ZNF385B: variants seen among roughly 807,000 people sequenced by gnomAD.
The protein encoded by ZNF385B is zinc finger protein 385B.
A neutral mutation model predicts 39.2 loss-of-function variants in ZNF385B; 23 were observed. The ratio of observed to expected loss-of-function variants is 0.59; its 90% confidence interval spans 0.42 to 0.83. ZNF385B has a LOEUF of 0.83. ZNF385B is among the 40% of genes least tolerant of loss of function. ZNF385B has a pLI of 0.00. For synonymous variants in ZNF385B, 205 were observed against 222.6 expected, an observed-to-expected ratio of 0.92 and a Z score of 0.70; for missense variants, 552 against 598.9, an observed-to-expected ratio of 0.92 and a Z score of 0.82.
intron 3 of ZNF385B, among the ~76,000 whole-genome samples, chr2:179,685,627 A>T (rs1477548743): frequency 1.3e-5 from 2 of 152,124 alleles, no homozygotes; most frequent in East Asian, 3.9e-4. Flanking sequence ...AGACAGCACA[A>T]TTTTTTACTG....
intron 1 of ZNF385B, among the ~76,000 whole-genome samples, chr2:179,801,348 T>TCCAATGACAAATGTTC (rs1273747269): frequency 6.6e-6 from 1 of 152,034 alleles, no homozygotes; most frequent in African/African-American, 2.4e-5. Context: ...AGAGATAGGC[T>TCCAATGACAAATGTTC]CCAATGACAA....
chr2:179,534,690 T>C (rs1314624372), intron 4 of ZNF385B: 4 of 152,094 alleles, frequency 2.6e-5, no homozygotes, highest in Admixed American at 2.6e-4. Flanking sequence ...CCCTATACAA[T>C]GAAGTGAATC....
intron 6 of ZNF385B, among the ~76,000 whole-genome samples, chr2:179,479,676 C>T (rs1210214942): frequency 6.6e-6 from 1 of 151,932 alleles, no homozygotes; most frequent in Non-Finnish European, 1.5e-5. Flanking sequence ...CCCAACTCTA[C>T]TAAAAATACA....
chr2:179,456,965 G>A (rs2050771600), intron 6 of ZNF385B, among the ~76,000 whole-genome samples: 1 of 151,922 alleles, frequency 6.6e-6, no homozygotes, highest in African/African-American at 2.4e-5. Flanking sequence ...ACATTTTAAT[G>A]TATGTATACA....
intron 1 of ZNF385B, among the ~76,000 whole-genome samples, chr2:179,833,236 A>C (rs913495692): frequency 1.6e-4 from 25 of 152,274 alleles, no homozygotes; most frequent in African/African-American, 5.8e-4. Context: ...AAATGTGCCC[A>C]TATTTTGACT....
intron 7 of ZNF385B, 105 bp from the exon 8 acceptor site, chr2:179,445,833 C>CT: frequency 8.8e-7 from 1 of 1,130,512 alleles, no homozygotes; most frequent in South Asian, 2.0e-5. Flanking sequence ...ATTCCCAATG[C>CT]TTTTTTAAAA....
At chr2:179,815,480 G>A (rs896630251) in intron 1 of ZNF385B, among the ~76,000 whole-genome samples, 6 of 140,282 alleles carry the variant, frequency 4.3e-5, no homozygotes, top group African/African-American at 1.6e-4. Context: ...TTGAAAATAG[G>A]GAAAAGAACT....
At chr2:179,458,955 T>C (rs924796939) in intron 6 of ZNF385B, among the ~76,000 whole-genome samples, 1 of 152,256 alleles carries the variant, frequency 6.6e-6, no homozygotes, top group Admixed American at 6.5e-5. Flanking sequence ...CATGTTAATC[T>C]GTCTTTTGTT....
chr2:179,854,663 A>C (rs1166673528), intron 1 of ZNF385B, among the ~76,000 whole-genome samples: 1 of 152,202 alleles, frequency 6.6e-6, no homozygotes, highest in African/African-American at 2.4e-5. Flanking sequence ...TAACTAATGC[A>C]AATCAAAAAT....
intron 3 of ZNF385B, among the ~76,000 whole-genome samples, chr2:179,569,037 T>C (rs1684913604): frequency 6.6e-6 from 1 of 152,222 alleles, no homozygotes; most frequent in Non-Finnish European, 1.5e-5. Flanking sequence ...CACTTATGTA[T>C]ATTAATTCAC....
intron 3 of ZNF385B, among the ~76,000 whole-genome samples, chr2:179,751,165 A>T (rs1343183837): frequency 3.8e-5 from 2 of 52,508 alleles, no homozygotes; most frequent in Admixed American, 3.9e-4. Flanking sequence ...CACCCTCCCC[A>T]CCCCCTGCCA....
At chr2:179,570,944 G>A (rs957093939) in intron 3 of ZNF385B, among the ~76,000 whole-genome samples, 9 of 152,292 alleles carry the variant, frequency 5.9e-5, no homozygotes, top group East Asian at 1.9e-4. Context: ...TATTTTTAAT[G>A]TACTAGAAGA....
intron 1 of ZNF385B, among the ~76,000 whole-genome samples, chr2:179,782,099 A>T (rs932211750): frequency 1.3e-5 from 2 of 152,182 alleles, no homozygotes; most frequent in African/African-American, 4.8e-5. Context: ...AATACTTGCA[A>T]ACTGAATCCA....
chr2:179,592,601 G>A lies in ZNF385B; in HGVS notation c.299-47632C>T, dbSNP rs74734649. ...GAAGAACACTGAAGAAAAGTATACC[G>A]TAAGATGTTTGGACACTATTTTTTT... On this transcript the variant is annotated intron_variant, in intron 3 of 9. Coordinates refer to ENST00000410066, the MANE Select transcript of ZNF385B (RefSeq NM_152520.6). 8.4e-3 allele frequency among the ~76,000 whole-genome samples: 1,281 copies of A among 152,212 alleles called. 19 individuals carry two copies. Among genetic ancestry groups the A allele is most frequent in the African/African-American group, 0.03 (1,232 of 41,526 alleles).
At chr2:179,826,076 G>A (rs996365162) in intron 1 of ZNF385B, among the ~76,000 whole-genome samples, 1 of 152,080 alleles carries the variant, frequency 6.6e-6, no homozygotes, top group South Asian at 2.1e-4. Context: ...CAGCAAATGA[G>A]AGCCTAAAAT....
chr2:179,559,441 A>G (rs907875903), intron 3 of ZNF385B, among the ~76,000 whole-genome samples: 3 of 152,084 alleles, frequency 2.0e-5, no homozygotes, highest in Admixed American at 6.6e-5. Flanking sequence ...GGCACTAGCG[A>G]TGTGCAAAAC....
chr2:179,516,256 T>A (rs2058083018), intron 5 of ZNF385B, among the ~76,000 whole-genome samples: 2 of 152,210 alleles, frequency 1.3e-5, no homozygotes, highest in South Asian at 4.1e-4. Context: ...TATGGATTAA[T>A]ATATGTTTTC....
chr2:179,520,874 C>T (rs115636443), intron 4 of ZNF385B, among the ~76,000 whole-genome samples: 1 of 152,158 alleles, frequency 6.6e-6, no homozygotes, highest in Non-Finnish European at 1.5e-5. Flanking sequence ...TTGAAGTACA[C>T]TTAAACAATA....
At chr2:179,740,802 G>A (rs1169152404) in intron 3 of ZNF385B, among the ~76,000 whole-genome samples, 47 of 152,038 alleles carry the variant, frequency 3.1e-4, no homozygotes, top group East Asian at 1.5e-3. Context: ...AAGAAGTAAC[G>A]CATAACACAA....
Sources: gnomAD v4.1 joint callset for allele counts (sites outside exome capture counted in the v4.1 genomes callset) on GRCh38, gnomAD v4.1.1 for gene constraint, MANE v1.5 for transcripts, NCBI Gene and HGNC (gene_info 2026-07-23, HGNC 2026-07-21) for gene names.